Variants in ING5 observed in about 807,000 individuals in gnomAD.
The protein encoded by ING5 is inhibitor of growth protein 5.
A neutral mutation model predicts 37.4 loss-of-function variants in ING5; 17 were observed. The observed-to-expected ratio is 0.45, with a 90% CI of 0.31 to 0.68. ING5 has a LOEUF of 0.68. Ranked by LOEUF, ING5 falls within the 30% of genes least tolerant of loss-of-function variation. The pLI, the probability that ING5 is intolerant of heterozygous loss-of-function variation, is 0.05. For synonymous variants in ING5, 123 were observed against 116.6 expected (o/e 1.06, Z -0.36); for missense variants, 233 against 311.9 (o/e 0.75, Z 1.91).
intron 5 of ING5, among the ~76,000 whole-genome samples, chr2:241,713,504 G>C (rs1306024085): frequency 6.6e-6 from 1 of 150,846 alleles, no homozygotes; most frequent in African/African-American, 2.4e-5. Flanking sequence ...CCAAGTAGCT[G>C]GGACTACAGG....
At chr2:241,722,469 C>T in intron 5 of ING5, 5 of 985,376 alleles carry the variant, frequency 5.1e-6, no homozygotes, top group Non-Finnish European at 6.0e-6. Context: ...ATGCCCCTGC[C>T]TGGGCCCGAA....
intron 5 of ING5, among the ~76,000 whole-genome samples, chr2:241,714,477 A>AT (rs2070206296): frequency 6.6e-6 from 1 of 151,936 alleles, no homozygotes; most frequent in Non-Finnish European, 1.5e-5. Flanking sequence ...AAGTTGTCAG[A>AT]TTTTTTTGAC....
chr2:241,701,870 C>G (rs905129717), upstream of ING5, among the ~76,000 whole-genome samples: 2 of 151,922 alleles, frequency 1.3e-5, no homozygotes, highest in African/African-American at 4.8e-5. Context: ...CGCTGCCCGA[C>G]GCCGCTGCCA....
intron 5 of ING5, chr2:241,719,358 C>T (rs2124941783): frequency 1.5e-6 from 1 of 650,468 alleles, no homozygotes. Context: ...GCGGACGCCG[C>T]CCCCAACCCC....
intron 5 of ING5, among the ~76,000 whole-genome samples, chr2:241,717,421 A>G (rs1264225856): frequency 1.3e-5 from 2 of 152,076 alleles, no homozygotes; most frequent in Non-Finnish European, 2.9e-5. Context: ...TTTTTTTTCC[A>G]TACATATTCT....
At position 241,723,775 on chromosome 2, in the gene ING5, C is replaced by T. The variant is rs1004390086; in HGVS notation, c.680+504C>T. ...TCCCCTTGGCAATGGCAACTTTCTGCATTGTTGTTCCTCAGATTTCATTTA... is the reference window on the plus strand; with the variant it reads ...TCCCCTTGGCAATGGCAACTTTCTGTATTGTTGTTCCTCAGATTTCATTTA... On this transcript the variant is annotated intron_variant, in intron 7 of 7. Transcript: ENST00000313552. The T allele has an allele frequency of 2.5e-6, 4 of 1,598,128 alleles. No homozygotes were observed. In the African/African-American group the frequency reaches 5.3e-5, roughly 21 times the overall value.
At chr2:241,724,138 C>T in intron 7 of ING5, 5 of 1,089,710 alleles carry the variant, frequency 4.6e-6, no homozygotes, top group Non-Finnish European at 5.7e-6. Flanking sequence ...GTCATCGTGG[C>T]AGCGTGTTTG....
At chr2:241,692,872 G>A (rs2069575223) in intron 2 of ING5, among the ~76,000 whole-genome samples, 1 of 152,112 alleles carries the variant, frequency 6.6e-6, no homozygotes, top group South Asian at 2.1e-4. Flanking sequence ...TTTCTCTGCT[G>A]CAAACCCTGC....
chr2:241,711,695 G>GT, intron 4 of ING5: 1 of 575,056 alleles, frequency 1.7e-6, no homozygotes, highest in Non-Finnish European at 3.0e-6. Context: ...GAGGCTAGGA[G>GT]TTTGAGACCA....
At chr2:241,711,532 A>G (rs777712127) in intron 4 of ING5, 44 bp downstream of exon 4, 4 of 1,351,456 alleles carry the variant, frequency 3.0e-6, no homozygotes, top group Non-Finnish European at 4.1e-6. Context: ...ACTGTTAACT[A>G]TGGAGTTTTG....
chr2:241,725,119 G>T lies in ING5; in HGVS notation c.*88G>T. On this transcript the variant is annotated 3_prime_UTR_variant, in exon 8 of 8. Transcript: ENST00000313552. ...TTTCCCTTCCTTTTAAAACTACCTT[G>T]TTCGGTTGATACTTAGTAACTCCGT... 1.4e-6 allele frequency: 2 copies of T among 1,384,836 alleles called. No individual in the cohort carries two copies. The highest frequency in any genetic ancestry group is 2.1e-6 in the Non-Finnish European group (2 of 973,966). The allele number at this position is 1,384,836 out of a possible 1,614,324, so 85.8% of individuals were successfully genotyped here. A position where few individuals can be genotyped will look rare whatever the true frequency, so the allele number is the denominator to read the frequency against.
At chr2:241,715,444 C>G (rs572752546) in intron 5 of ING5, among the ~76,000 whole-genome samples, 1 of 148,028 alleles carries the variant, frequency 6.8e-6, no homozygotes, top group African/African-American at 2.5e-5. Context: ...GATCCACCCA[C>G]GTTGGCCTCC....
intron 5 of ING5, chr2:241,721,594 T>G: frequency 2.0e-6 from 2 of 985,460 alleles, no homozygotes; most frequent in Non-Finnish European, 2.4e-6. Flanking sequence ...TTCTGCTCCT[T>G]GGCTTTCCCT....
In ING5 at chr2:241,719,943, T is replaced by A; in HGVS notation, c.483-2996T>A. The A allele has an allele frequency of 5.4e-6, 7 of 1,284,692 alleles. No homozygotes were observed. In the South Asian group the frequency reaches 1.8e-4, roughly 33 times the overall value. The allele number at this position is 1,284,692 out of a possible 1,614,324, so 79.6% of individuals were successfully genotyped here. On this transcript the variant is annotated intron_variant, in intron 5 of 7. Coordinates refer to ENST00000313552, the MANE Select transcript of ING5 (RefSeq NM_032329.6). ...GCCCTGCGGCTCTGGATCTAGCTTG[T>A]GTGTGAATCTCTTTCTTCTCTGTGC...
chr2:241,723,175 G>A, intron 6 of ING5, 35 bp from the exon 7 acceptor site: 2 of 1,613,738 alleles, frequency 1.2e-6, no homozygotes, highest in Non-Finnish European at 1.7e-6. Context: ...AGAACATGAG[G>A]CGTGTTGACT....
At chr2:241,702,383 A>T (rs991948967) in intron 1 of ING5, among the ~76,000 whole-genome samples, 40 of 144,808 alleles carry the variant, frequency 2.8e-4, no homozygotes, top group Non-Finnish European at 1.2e-4. Flanking sequence ...TGCGGCCTCG[A>T]CCCCGCCCAC....
chr2:241,725,005 G>C lies in ING5; in HGVS notation c.697G>C (p.Val233Leu). The change falls in exon 8 of 8, where the codon GTC becomes CTC. Residue 233 changes from valine (V) to leucine (L), a missense_variant. Transcript: ENST00000313552. Reference sequence around the variant, plus strand: ...TTGTCACAGGTTCTGTCCACGGTGTGTCCAGGAAAAGAGGAAGAAGAAGTA... The same window carrying C: ...TTGTCACAGGTTCTGTCCACGGTGTCTCCAGGAAAAGAGGAAGAAGAAGTA... Reference protein sequence around the residue: ...PKGKWFCPRCVQEKRKKK With the variant: ...PKGKWFCPRCLQEKRKKK The C allele has an allele frequency of 6.2e-7, 1 of 1,614,126 alleles. No individual in the cohort carries two copies.
upstream of ING5, chr2:241,701,983 A>G: frequency 3.0e-6 from 3 of 1,014,660 alleles, no homozygotes; most frequent in Non-Finnish European, 3.9e-6. Context: ...ACTCATGAAT[A>G]GTGAGCGCGC....
At chr2:241,701,760 G>C (rs527683738), upstream of ING5, among the ~76,000 whole-genome samples, 72 of 152,258 alleles carry the variant, frequency 4.7e-4, 1 homozygote, top group East Asian at 0.012. Context: ...GTGCGGAGGG[G>C]AGACGCCCAC....
Sources: gnomAD v4.1 joint callset for allele counts (sites outside exome capture counted in the v4.1 genomes callset) on GRCh38, gnomAD v4.1.1 for gene constraint, MANE v1.5 for transcripts, NCBI Gene and HGNC (gene_info 2026-07-23, HGNC 2026-07-21) for gene names.